Variants in COX15 observed in about 807,000 individuals in gnomAD.
COX15 encodes heme A synthase COX15.
In COX15, 51 loss-of-function variants were observed where a neutral mutation model predicts 51.9. The ratio of observed to expected loss-of-function variants is 0.98; its 90% confidence interval spans 0.78 to 1.24. The LOEUF is 1.24. Ranked by LOEUF, COX15 falls within the 50% of genes most tolerant of loss-of-function variation. The pLI is 0.00. For synonymous variants in COX15, 188 were observed against 190.5 expected (o/e 0.99, Z 0.11); for missense variants, 420 against 501.1 (o/e 0.84, Z 1.55).
downstream of COX15, chr10:99,709,418 G>C: frequency 3.0e-6 from 3 of 985,438 alleles, no homozygotes; most frequent in Non-Finnish European, 3.6e-6. Flanking sequence ...GCTAGCTCCA[G>C]ATTCCAGCCC....
At chr10:99,704,762 A>G in the COX15 span, 7 of 1,286,382 alleles carry the variant, frequency 5.4e-6, no homozygotes, top group East Asian at 1.8e-4. Flanking sequence ...ATATAGCCTC[A>G]GATGCTGTGA....
chr10:99,717,534 AT>A (rs1212419950), intron 7 of COX15, among the ~76,000 whole-genome samples: 2 of 151,796 alleles, frequency 1.3e-5, no homozygotes, highest in Non-Finnish European at 2.9e-5. Flanking sequence ...ATTAAATTTA[AT>A]TTTTTAAGAG....
At chr10:99,703,632 T>G in the COX15 span, among the ~76,000 whole-genome samples, 1 of 152,224 alleles carries the variant, frequency 6.6e-6, no homozygotes, top group East Asian at 1.9e-4. Context: ...TCATATCGCC[T>G]TATTTTTATC....
intron 5 of COX15, among the ~76,000 whole-genome samples, chr10:99,723,311 T>G (rs2036840450): frequency 6.6e-6 from 1 of 152,032 alleles, no homozygotes; most frequent in Non-Finnish European, 1.5e-5. Context: ...GCTGGCTAAT[T>G]TTATATTTTT....
chr10:99,712,613 A>C lies in COX15; in HGVS notation c.*1974T>G. ...TCCAAGGAAAAATAAACTTAAGATA[A>C]GCTTATTTTCCTTATTTCAAAAAGC... On this transcript the variant is annotated 3_prime_UTR_variant, in exon 9 of 9. Coordinates refer to ENST00000016171, the MANE Select transcript of COX15 (RefSeq NM_078470.6). 1.0e-6 allele frequency: 1 copy of C among 984,204 alleles called. No individual in the cohort carries two copies. The highest frequency in any genetic ancestry group is 4.7e-5 in the South Asian group (1 of 21,268). The allele number at this position is 984,204 out of a possible 1,614,324, so 61.0% of individuals were successfully genotyped here.
At chr10:99,700,139 CTCTT>C in the COX15 span, among the ~76,000 whole-genome samples, 1 of 152,144 alleles carries the variant, frequency 6.6e-6, no homozygotes, top group Non-Finnish European at 1.5e-5. Context: ...CATGGCCTGA[CTCTT>C]TCTCTTATCT....
rs772578318 is a variant in COX15, at chr10:99,727,093, G to T, written c.457C>A (p.Arg153=). 1.2e-6 allele frequency: 2 copies of T among 1,614,020 alleles called. No individual in the cohort carries two copies. The highest frequency in any genetic ancestry group is 4.5e-5 in the East Asian group (2 of 44,888). ...AGGCCTACAAGGCGACCCCACATTCGGTGTGAGTACTCCATGTACCAGATG... is the reference window on the plus strand; with the variant it reads ...AGGCCTACAAGGCGACCCCACATTCTGTGTGAGTACTCCATGTACCAGATG... ...KFIWYMEYSH[R]MWGRLVGLVY... The change falls in exon 4 of 9, where the codon CGA becomes AGA. Residue 153 remains arginine (R), a synonymous_variant. Coordinates refer to ENST00000016171, the MANE Select transcript of COX15 (RefSeq NM_078470.6).
the COX15 span, chr10:99,696,128 T>C: frequency 6.2e-7 from 1 of 1,612,598 alleles, no homozygotes; most frequent in Non-Finnish European, 8.5e-7. Context: ...AACAGGTACA[T>C]TTGATATGGG....
chr10:99,715,732 T>G (rs2036547898), intron 8 of COX15, among the ~76,000 whole-genome samples: 1 of 152,174 alleles, frequency 6.6e-6, no homozygotes, highest in Non-Finnish European at 1.5e-5. Flanking sequence ...GTATCCATTT[T>G]CCTATGCCCA....
downstream of COX15, chr10:99,709,601 A>G: frequency 1.0e-6 from 1 of 985,398 alleles, no homozygotes; most frequent in Non-Finnish European, 1.2e-6. Flanking sequence ...GAAAACTTTT[A>G]GGTTGTGTTC....
the COX15 span, among the ~76,000 whole-genome samples, chr10:99,699,013 G>A: frequency 2.6e-5 from 4 of 152,122 alleles, no homozygotes; most frequent in Non-Finnish European, 5.9e-5. Context: ...ATGAGGAAGT[G>A]GACAGAGAAC....
intron 4 of COX15, among the ~76,000 whole-genome samples, chr10:99,724,946 A>G (rs1242713785): frequency 2.6e-5 from 4 of 152,266 alleles, no homozygotes; most frequent in Non-Finnish European, 4.4e-5. Flanking sequence ...CGCTTTAAGC[A>G]AAACCACAGT....
chr10:99,717,784 G>A (rs1170105062), intron 7 of COX15, among the ~76,000 whole-genome samples: 1 of 152,038 alleles, frequency 6.6e-6, no homozygotes, highest in Non-Finnish European at 1.5e-5. Flanking sequence ...CTGGCATTAC[G>A]CAGCAGCACT....
downstream of COX15, chr10:99,710,416 G>A (rs1055447637): frequency 2.0e-6 from 2 of 985,252 alleles, no homozygotes; most frequent in Non-Finnish European, 2.4e-6. Flanking sequence ...GGCCTCTGCG[G>A]AGTGTAGTGA....
chr10:99,729,816 G>A (rs1004099228), intron 1 of COX15, 82 bp from the exon 2 acceptor site: 57 of 1,350,434 alleles, frequency 4.2e-5, no homozygotes, highest in African/African-American at 4.0e-4. Context: ...TGATTAGCGC[G>A]AAGTACCATA....
downstream of COX15, chr10:99,709,196 G>A (rs138423739): frequency 3.2e-3 from 3,182 of 985,348 alleles, 84 homozygotes; most frequent in African/African-American, 0.05. Context: ...CCTCATTAAA[G>A]AACTTCGTTG....
At chr10:99,717,851 A>G (rs1227889692) in intron 7 of COX15, among the ~76,000 whole-genome samples, 3 of 152,142 alleles carry the variant, frequency 2.0e-5, no homozygotes, top group African/African-American at 7.2e-5. Flanking sequence ...CATCACACAC[A>G]GGCCTCCAAG....
At chr10:99,709,060 T>C, downstream of COX15, 1 of 982,650 alleles carries the variant, frequency 1.0e-6, no homozygotes, top group Non-Finnish European at 1.2e-6. Context: ...CCTGTATTTC[T>C]TTTCGTACTT....
downstream of COX15, chr10:99,709,770 T>C (rs1212761274): frequency 1.0e-6 from 1 of 985,270 alleles, no homozygotes; most frequent in East Asian, 1.1e-4. Flanking sequence ...AATAGACTTC[T>C]CTTGTGTTAT....
Sources: gnomAD v4.1 joint callset for allele counts (sites outside exome capture counted in the v4.1 genomes callset) on GRCh38, gnomAD v4.1.1 for gene constraint, MANE v1.5 for transcripts, NCBI Gene and HGNC (gene_info 2026-07-23, HGNC 2026-07-21) for gene names.